The following JAKMIP2 variants were observed in gnomAD, a reference collection of about 807,000 sequenced individuals.
The protein encoded by JAKMIP2 is janus kinase and microtubule interacting protein 2.
Under a neutral mutation model 115.0 loss-of-function variants are expected in JAKMIP2, and 25 were observed. That is an observed-to-expected ratio of 0.22 (90% CI 0.16 to 0.30). The LOEUF is 0.30. Among genes scored for constraint, JAKMIP2 ranks in the 10% least tolerant of loss-of-function variants. The pLI, the probability that JAKMIP2 is intolerant of heterozygous loss-of-function variation, is 1.00. For missense variants in JAKMIP2, 642 were observed against 957.6 expected (o/e 0.67, Z 4.35); for synonymous variants, 334 against 343.6 (o/e 0.97, Z 0.31).
chr5:147,679,704 T>C (rs73270134), intron 1 of JAKMIP2, among the ~76,000 whole-genome samples: 25,720 of 152,138 alleles, frequency 0.17, 2,787 homozygotes, highest in East Asian at 0.45. Flanking sequence ...GATAGGGAAA[T>C]TGAGGCTCAA....
At chr5:147,749,178 T>C (rs1754460044) in intron 1 of JAKMIP2, among the ~76,000 whole-genome samples, 1 of 151,990 alleles carries the variant, frequency 6.6e-6, no homozygotes. Context: ...TTCTGCAATA[T>C]AGACAAACTG....
intron 1 of JAKMIP2, among the ~76,000 whole-genome samples, chr5:147,691,605 C>T (rs1001667040): frequency 6.6e-6 from 1 of 152,186 alleles, no homozygotes; most frequent in African/African-American, 2.4e-5. Context: ...TCTCCCGAAC[C>T]TTGTGTTCAT....
chr5:147,705,828 T>G (rs1752539948), intron 1 of JAKMIP2, among the ~76,000 whole-genome samples: 1 of 152,170 alleles, frequency 6.6e-6, no homozygotes, highest in Admixed American at 6.5e-5. Context: ...GTTCTATTTT[T>G]TATGTATAAG....
intron 1 of JAKMIP2, among the ~76,000 whole-genome samples, chr5:147,741,130 C>T (rs1331508374): frequency 6.6e-6 from 1 of 152,024 alleles, no homozygotes; most frequent in African/African-American, 2.4e-5. Flanking sequence ...AAAATATAAG[C>T]TCGCTAAGGT....
intron 1 of JAKMIP2, among the ~76,000 whole-genome samples, chr5:147,769,763 T>C (rs1457945690): frequency 2.0e-5 from 3 of 150,544 alleles, no homozygotes; most frequent in South Asian, 2.1e-4. Context: ...CCTCCTTGCC[T>C]TTTCCTTCTG....
intron 10 of JAKMIP2, among the ~76,000 whole-genome samples, chr5:147,638,069 AT>A (rs1354095040): frequency 6.6e-6 from 1 of 152,140 alleles, no homozygotes; most frequent in African/African-American, 2.4e-5. Flanking sequence ...TTTTGCTAAG[AT>A]TTATTTTAAC....
At chr5:147,722,827 T>G (rs1182256112) in intron 1 of JAKMIP2, among the ~76,000 whole-genome samples, 2 of 152,056 alleles carry the variant, frequency 1.3e-5, no homozygotes, top group Non-Finnish European at 2.9e-5. Flanking sequence ...CTTAAAAAAA[T>G]TAGAGATAGA....
At chr5:147,613,723 C>T (rs1756440654) in intron 19 of JAKMIP2, among the ~76,000 whole-genome samples, 1 of 152,070 alleles carries the variant, frequency 6.6e-6, no homozygotes, top group Non-Finnish European at 1.5e-5. Context: ...AGCCACCCCT[C>T]CCCCTAAAAA....
intron 7 of JAKMIP2, among the ~76,000 whole-genome samples, chr5:147,642,830 C>A (rs1032634116): frequency 6.6e-6 from 1 of 152,024 alleles, no homozygotes; most frequent in East Asian, 1.9e-4. Context: ...GGAGGTTTAA[C>A]GTTTGAGTCA....
chr5:147,632,734 T>A lies in JAKMIP2; in HGVS notation c.1722A>T (p.Leu574=), dbSNP rs11739097. ...EAENHRLQQE[L]QDARDQNELL... Reference sequence around the variant, plus strand: ...GCTCATTCTGGTCTCTGGCGTCCTGTAGTTCTTGTTGTAACCGGTGATTTT... The same window carrying A: ...GCTCATTCTGGTCTCTGGCGTCCTGAAGTTCTTGTTGTAACCGGTGATTTT... Residue 574 remains leucine (L), a synonymous_variant, in exon 13 of 22, where the codon CTA becomes CTT. Transcript: ENST00000616793. 45,735 of 1,613,236 alleles carry A rather than the reference T, an allele frequency of 0.028. 724 individuals are homozygous for A. The highest frequency in any genetic ancestry group is 0.034 in the Non-Finnish European group (39,526 of 1,179,326).
intron 20 of JAKMIP2, among the ~76,000 whole-genome samples, chr5:147,607,253 G>A (rs1222949617): frequency 3.9e-5 from 6 of 152,130 alleles, no homozygotes; most frequent in African/African-American, 1.2e-4. Flanking sequence ...TTTTGTGCCG[G>A]TTTTCAAAGG....
chr5:147,762,496 T>C (rs565248461), intron 1 of JAKMIP2, among the ~76,000 whole-genome samples: 1 of 152,160 alleles, frequency 6.6e-6, no homozygotes, highest in South Asian at 2.1e-4. Context: ...TAGATTCCCC[T>C]GATGTCTTTC....
chr5:147,603,455 A>G lies in JAKMIP2; in HGVS notation c.2413-1644T>C, dbSNP rs1400516595. On this transcript the variant is annotated intron_variant, in intron 20 of 21. Transcript: ENST00000616793. ...CAACTGATTCACTGAAATAAACAAT[A>G]AAGAGGGGATATTACATGTACCCTG... 2.6e-5 allele frequency among the ~76,000 whole-genome samples: 4 copies of G among 152,304 alleles called. No homozygotes were observed. In the East Asian group the frequency reaches 7.7e-4, roughly 29 times the overall value.
chr5:147,781,499 G>T (rs188582257), intron 1 of JAKMIP2, among the ~76,000 whole-genome samples: 49 of 148,792 alleles, frequency 3.3e-4, no homozygotes, highest in African/African-American at 1.1e-3. Flanking sequence ...ACCACAAACC[G>T]CCTCCCATTC....
chr5:147,753,812 ATT>A (rs34633628), intron 1 of JAKMIP2, among the ~76,000 whole-genome samples: 1,453 of 141,380 alleles, frequency 0.01, 11 homozygotes, highest in African/African-American at 0.033. Context: ...AGCAGAATGT[ATT>A]TTTTTTTTTT....
intron 1 of JAKMIP2, among the ~76,000 whole-genome samples, chr5:147,781,001 T>A (rs1222044494): frequency 6.6e-6 from 1 of 152,172 alleles, no homozygotes; most frequent in East Asian, 1.9e-4. Context: ...GAATGGAACC[T>A]CCTCATCTCA....
chr5:147,679,855 C>G (rs73270135), intron 1 of JAKMIP2, among the ~76,000 whole-genome samples: 1 of 151,994 alleles, frequency 6.6e-6, no homozygotes, highest in East Asian at 1.9e-4. Flanking sequence ...TGGTTGCCGA[C>G]AGGCTACAGA....
At chr5:147,723,375 C>T (rs945184672) in intron 1 of JAKMIP2, among the ~76,000 whole-genome samples, 2 of 151,894 alleles carry the variant, frequency 1.3e-5, no homozygotes, top group Admixed American at 6.6e-5. Flanking sequence ...TGATTAAAGA[C>T]ATTTTTCAAA....
At chr5:147,675,693 C>T (rs76573720) in intron 1 of JAKMIP2, among the ~76,000 whole-genome samples, 3,864 of 152,002 alleles carry the variant, frequency 0.025, 168 homozygotes, top group African/African-American at 0.088. Flanking sequence ...CCCTAGGCAA[C>T]CACTAAGTCT....
Sources: gnomAD v4.1 joint callset for allele counts (sites outside exome capture counted in the v4.1 genomes callset) on GRCh38, gnomAD v4.1.1 for gene constraint, MANE v1.5 for transcripts, NCBI Gene and HGNC (gene_info 2026-07-23, HGNC 2026-07-21) for gene names.